Variants in PRKG1 observed in about 807,000 individuals in gnomAD.
The protein encoded by PRKG1 is cGMP-dependent protein kinase 1.
PRKG1 carries 35 observed loss-of-function variants against 88.1 expected under a neutral mutation model. The observed-to-expected ratio is 0.40, with a 90% confidence interval of 0.30 to 0.53. The LOEUF is 0.53. PRKG1 is among the 20% of genes least tolerant of loss of function. The pLI is 0.59. For synonymous variants in PRKG1, 303 were observed against 292.5 expected, an observed-to-expected ratio of 1.04 and a Z score of -0.37; for missense variants, 540 against 839.8, an observed-to-expected ratio of 0.64 and a Z score of 4.41.
At chr10:51,793,732 A>G (rs1236223701) in intron 3 of PRKG1, among the ~76,000 whole-genome samples, 1 of 152,106 alleles carries the variant, frequency 6.6e-6, no homozygotes, top group Admixed American at 6.6e-5. Context: ...CATACATTCA[A>G]AGTGCTGAAG....
chr10:51,176,548 A>G (rs1011370730), intron 2 of PRKG1, among the ~76,000 whole-genome samples: 5 of 152,222 alleles, frequency 3.3e-5, no homozygotes, highest in African/African-American at 1.2e-4. Flanking sequence ...AACAGTTATC[A>G]AAGCAATAAA....
At chr10:51,700,573 G>T (rs1841440279) in intron 3 of PRKG1, among the ~76,000 whole-genome samples, 1 of 152,094 alleles carries the variant, frequency 6.6e-6, no homozygotes, top group Admixed American at 6.6e-5. Context: ...ATTCAGTGTG[G>T]TGTTTCCCCG....
intron 5 of PRKG1, among the ~76,000 whole-genome samples, chr10:52,033,019 A>T (rs1845509138): frequency 6.6e-6 from 1 of 152,174 alleles, no homozygotes; most frequent in Non-Finnish European, 1.5e-5. Flanking sequence ...TATACTTAGG[A>T]TGTGGGCTTT....
At chr10:51,347,246 G>A (rs1394679298) in intron 2 of PRKG1, among the ~76,000 whole-genome samples, 4 of 152,014 alleles carry the variant, frequency 2.6e-5, no homozygotes, top group Non-Finnish European at 4.4e-5. Context: ...CCTTGGAGTT[G>A]GGGTTAAGCA....
At chr10:51,850,216 A>G (rs1422120664) in intron 4 of PRKG1, among the ~76,000 whole-genome samples, 1 of 152,138 alleles carries the variant, frequency 6.6e-6, no homozygotes, top group Non-Finnish European at 1.5e-5. Flanking sequence ...TGCTCTTGTC[A>G]CCCAGGTGGG....
chr10:51,917,869 A>G (rs1365526472), intron 5 of PRKG1, among the ~76,000 whole-genome samples: 1 of 152,222 alleles, frequency 6.6e-6, no homozygotes, highest in South Asian at 2.1e-4. Context: ...CCATCATTAC[A>G]TAGAAAAAAA....
intron 4 of PRKG1, among the ~76,000 whole-genome samples, chr10:51,872,272 C>T (rs1170692467): frequency 6.6e-6 from 1 of 152,080 alleles, no homozygotes; most frequent in East Asian, 1.9e-4. Context: ...TATTTTTTTG[C>T]CTTAGTTTCC....
intron 5 of PRKG1, among the ~76,000 whole-genome samples, chr10:51,984,444 G>A (rs1844097264): frequency 6.6e-6 from 1 of 152,056 alleles, no homozygotes; most frequent in Admixed American, 6.6e-5. Flanking sequence ...TAAATTTTGA[G>A]TATAAAGTGA....
At chr10:51,462,230 C>T (rs1353813286) in intron 2 of PRKG1, among the ~76,000 whole-genome samples, 3 of 152,136 alleles carry the variant, frequency 2.0e-5, no homozygotes, top group African/African-American at 7.2e-5. Flanking sequence ...AATAGTCAAT[C>T]AAGTTGTCCT....
At chr10:52,091,396 C>T (rs1847052692) in intron 7 of PRKG1, among the ~76,000 whole-genome samples, 1 of 152,152 alleles carries the variant, frequency 6.6e-6, no homozygotes, top group African/African-American at 2.4e-5. Context: ...TCAACTGTGC[C>T]ATATAACGTA....
At chr10:51,915,872 C>T (rs778959569) in intron 5 of PRKG1, among the ~76,000 whole-genome samples, 10 of 152,074 alleles carry the variant, frequency 6.6e-5, no homozygotes, top group Non-Finnish European at 1.2e-4. Context: ...ATTAGTCATT[C>T]GGGAAATGCA....
chr10:52,025,157 G>A lies in PRKG1; in HGVS notation c.763-29327G>A, dbSNP rs186898942. Among the ~76,000 whole-genome samples the A allele has an allele frequency of 1.2e-3, 188 of 152,252 alleles. 1 individual carries two copies. Among genetic ancestry groups the A allele is most frequent in the African/African-American group, 4.4e-3 (184 of 41,536 alleles). On this transcript the variant is annotated intron_variant, in intron 5 of 17. Transcript: ENST00000373980. ...TGAGAAGTGTCCATTCATATCGTTT[G>A]CCCACTTTTTGATGGGGTTGTTTTT... is the stretch of plus-strand genomic sequence containing the variant.
intron 3 of PRKG1, among the ~76,000 whole-genome samples, chr10:51,479,043 A>C (rs1355192805): frequency 6.6e-6 from 1 of 152,068 alleles, no homozygotes; most frequent in African/African-American, 2.4e-5. Flanking sequence ...AAAAGAGAGA[A>C]AAAGAGAAAA....
intron 4 of PRKG1, among the ~76,000 whole-genome samples, chr10:51,814,079 A>G (rs1302021369): frequency 6.6e-6 from 1 of 152,106 alleles, no homozygotes; most frequent in Admixed American, 6.6e-5. Flanking sequence ...ACATTCAGAC[A>G]CTGCATTTCT....
At chr10:52,226,005 G>T (rs1589714665) in intron 9 of PRKG1, among the ~76,000 whole-genome samples, 1 of 148,472 alleles carries the variant, frequency 6.7e-6, no homozygotes, top group Non-Finnish European at 1.5e-5. Flanking sequence ...TCCTCCACTA[G>T]CATGTAAGTC....
At chr10:51,067,090 A>G (rs1221622078) in intron 1 of PRKG1, among the ~76,000 whole-genome samples, 2 of 151,738 alleles carry the variant, frequency 1.3e-5, no homozygotes, top group Non-Finnish European at 2.9e-5. Context: ...CCACCTCTCA[A>G]TCTTGGTGCA....
chr10:51,230,577 T>C (rs1282976016), intron 2 of PRKG1, among the ~76,000 whole-genome samples: 1 of 152,162 alleles, frequency 6.6e-6, no homozygotes. Context: ...TTAGTATCCA[T>C]GGGAGATAGG....
At chr10:51,261,284 C>A (rs1180782689) in intron 2 of PRKG1, among the ~76,000 whole-genome samples, 1 of 152,206 alleles carries the variant, frequency 6.6e-6, no homozygotes. Flanking sequence ...GATTGCAACA[C>A]TTCTAGATTC....
In PRKG1 at chr10:52,054,510, T is replaced by C. The variant is rs1242584792; in HGVS notation, c.789T>C (p.Ile263=). The C allele has an allele frequency of 1.9e-6, 3 of 1,613,890 alleles. No individual in the cohort carries two copies. The highest frequency in any genetic ancestry group is 2.5e-6 in the Non-Finnish European group (3 of 1,179,874). The change falls in exon 6 of 18, where the codon ATT becomes ATC. Residue 263 remains isoleucine (I), a synonymous_variant. Transcript: ENST00000373980. ...CCCACTATGAAAATGGAGAATATATTATCAGGCAAGGTGCAAGAGGGGACA... is the reference window on the plus strand; with the variant it reads ...CCCACTATGAAAATGGAGAATATATCATCAGGCAAGGTGCAAGAGGGGACA... ...EETHYENGEY[I]IRQGARGDTF...
Sources: gnomAD v4.1 joint callset for allele counts (sites outside exome capture counted in the v4.1 genomes callset) on GRCh38, gnomAD v4.1.1 for gene constraint, MANE v1.5 for transcripts, NCBI Gene and HGNC (gene_info 2026-07-23, HGNC 2026-07-21) for gene names.